Variants in TCF7L2 observed in about 807,000 individuals in gnomAD.
The protein encoded by TCF7L2 is transcription factor 7 like 2, also known as transcription factor 7-like 2.
In TCF7L2, 23 loss-of-function variants were observed where a neutral mutation model predicts 77.9. The observed-to-expected ratio is 0.30, with a 90% CI of 0.21 to 0.42. TCF7L2 has a LOEUF of 0.42. Among genes scored for constraint, TCF7L2 ranks in the 10% least tolerant of loss-of-function variants. The probability of loss-of-function intolerance (pLI) is 1.00; values close to 1 mark genes in which losing one functional copy is unlikely to be tolerated. For missense variants in TCF7L2, 654 were observed against 793.1 expected (o/e 0.82, Z 2.11); for synonymous variants, 413 against 340.2 (o/e 1.21, Z -2.36).
intron 5 of TCF7L2, among the ~76,000 whole-genome samples, chr10:113,083,421 G>C (rs534218491): frequency 1.3e-5 from 2 of 152,188 alleles, no homozygotes; most frequent in African/African-American, 4.8e-5. Flanking sequence ...ATGATATCCC[G>C]GTCTGGGGAG....
chr10:113,039,810 A>G (rs1427970753), intron 4 of TCF7L2, among the ~76,000 whole-genome samples: 3 of 152,154 alleles, frequency 2.0e-5, no homozygotes, highest in Non-Finnish European at 4.4e-5. Flanking sequence ...TACAGTTGCT[A>G]GTAACATTAA....
intron 5 of TCF7L2, among the ~76,000 whole-genome samples, chr10:113,042,336 G>C (rs1295557088): frequency 6.6e-6 from 1 of 152,186 alleles, no homozygotes; most frequent in Admixed American, 6.5e-5. Context: ...TTTGTCCAAA[G>C]CAGCCACAGC....
At chr10:113,078,151 G>C (rs560658328) in intron 5 of TCF7L2, among the ~76,000 whole-genome samples, 1 of 151,688 alleles carries the variant, frequency 6.6e-6, no homozygotes, top group East Asian at 1.9e-4. Context: ...AATTAAGCTA[G>C]TTCATATTTG....
chr10:113,010,713 T>C (rs1429463010), intron 4 of TCF7L2, among the ~76,000 whole-genome samples: 1 of 152,248 alleles, frequency 6.6e-6, no homozygotes, highest in Non-Finnish European at 1.5e-5. Context: ...AATAGTTTTC[T>C]TACTTTGTTA....
Position 113,151,133 on chromosome 10 carries a change from G to A in TCF7L2, c.1001+10G>A, listed in dbSNP as rs2137128190. The A allele has an allele frequency of 6.2e-7, 1 of 1,614,088 alleles. No homozygotes were observed. Among genetic ancestry groups the A allele is most frequent in the Non-Finnish European group, 8.5e-7 (1 of 1,180,008 alleles). On this transcript the variant is annotated intron_variant, in intron 9 of 13. Coordinates refer to ENST00000627217, the MANE Select transcript of TCF7L2 (RefSeq NM_001146274.2). The surrounding 1 kb of genome is among the most constrained non-coding windows in gnomAD (Gnocchi z 5.2). ...GCTCACTCCATAGTTCGTAAGTGTT[G>A]CTGTTTTTCTCACCTTCTTCGTAGC...
At chr10:113,089,419 C>A in intron 5 of TCF7L2, 1 of 1,613,764 alleles carries the variant, frequency 6.2e-7, no homozygotes, top group Non-Finnish European at 8.5e-7. Context: ...CCTTGCTGCA[C>A]TCAGGGACAT....
chr10:113,145,958 T>TGGGG, intron 7 of TCF7L2, 53 bp from the exon 8 acceptor site: 4 of 1,350,212 alleles, frequency 3.0e-6, no homozygotes, highest in Admixed American at 1.9e-5. Flanking sequence ...CTTTTTCTTG[T>TGGGG]CCCCACCCCC....
intron 4 of TCF7L2, among the ~76,000 whole-genome samples, chr10:112,991,433 G>A (rs1028319530): frequency 1.3e-5 from 2 of 151,730 alleles, no homozygotes; most frequent in African/African-American, 2.4e-5. Flanking sequence ...GCGTGAACCC[G>A]GGAGGCGGAG....
At chr10:113,039,714 C>A (rs1238238092) in intron 4 of TCF7L2, among the ~76,000 whole-genome samples, 1 of 152,074 alleles carries the variant, frequency 6.6e-6, no homozygotes, top group African/African-American at 2.4e-5. Context: ...TCTCCCACTC[C>A]CCTCCAGCCC....
intron 5 of TCF7L2, among the ~76,000 whole-genome samples, chr10:113,094,095 G>A (rs115486780): frequency 1.1e-3 from 169 of 152,310 alleles, no homozygotes; most frequent in African/African-American, 3.8e-3. Flanking sequence ...GCGCGTGCAC[G>A]CGCATGTGTG....
Position 113,151,968 on chromosome 10 carries a change from G to A in TCF7L2, c.1161+84G>A, listed in dbSNP as rs2070828248. 1 of 1,510,134 alleles carries A rather than the reference G, an allele frequency of 6.6e-7. No individual in the cohort carries two copies. The highest frequency in any genetic ancestry group is 2.3e-5 in the East Asian group (1 of 44,092). The allele number at this position is 1,510,134 out of a possible 1,614,324, so 93.5% of individuals were successfully genotyped here. On this transcript the variant is annotated intron_variant, in intron 10 of 13. Transcript: ENST00000627217. This position sits in a 1 kb window ranked among gnomAD's most constrained non-coding sequence, Gnocchi z 5.2. ...GCAGGTCAGGTGGCAGAATGTCTCTGTCCCCATTTCTTTGGAGAATTCTTG... is the reference window on the plus strand; with the variant it reads ...GCAGGTCAGGTGGCAGAATGTCTCTATCCCCATTTCTTTGGAGAATTCTTG...
chr10:113,036,665 C>CTTCTTTCTTTCTTTCT (rs71489996), intron 4 of TCF7L2, among the ~76,000 whole-genome samples: 1,975 of 150,902 alleles, frequency 0.013, 21 homozygotes, highest in Non-Finnish European at 0.021. Context: ...CCAAGATGGC[C>CTTCTTTCTTTCTTTCT]TTCTTTCTTT....
intron 5 of TCF7L2, among the ~76,000 whole-genome samples, chr10:113,077,533 A>G (rs61872796): frequency 1.1e-3 from 170 of 152,136 alleles, no homozygotes; most frequent in Non-Finnish European, 1.8e-3. Context: ...GGCAACTGTC[A>G]ATCTACTTTC....
chr10:112,953,810 A>T (rs2032737171), intron 3 of TCF7L2, among the ~76,000 whole-genome samples: 1 of 152,198 alleles, frequency 6.6e-6, no homozygotes, highest in Non-Finnish European at 1.5e-5. Flanking sequence ...GCGTCTAGTT[A>T]TTTTAATTGT....
At chr10:113,039,895 T>A (rs1399143452) in intron 4 of TCF7L2, 130 bp from the exon 5 acceptor site, 3 of 745,216 alleles carry the variant, frequency 4.0e-6, no homozygotes, top group Non-Finnish European at 6.5e-6. Context: ...TTTATTTTTT[T>A]AATGATTATT....
Position 112,962,845 on chromosome 10 carries a change from C to T in TCF7L2, c.382-1711C>T, listed in dbSNP as rs149340818. The stretch of plus-strand genomic sequence containing the variant: ...AACCTCTGACCTCAGGTGATCTGCC[C>T]GCCTCAGCCCCCCAAAGTGCTGGGA... On this transcript the variant is annotated intron_variant, in intron 3 of 13. Transcript: ENST00000627217. Among the ~76,000 whole-genome samples the T allele has an allele frequency of 2.4e-3, 359 of 152,234 alleles. 5 individuals carry two copies. In the East Asian group the frequency reaches 0.054, roughly 23 times the overall value.
In TCF7L2 at chr10:113,167,391, A is replaced by G. The variant is rs931674416; in HGVS notation, c.*1419A>G. ...GCATGTTGATGTTGCAAAATGCTGT[A>G]TAAAGCTGAAACCTGTTCATTCAGT... On this transcript the variant is annotated 3_prime_UTR_variant, in exon 14 of 14. Coordinates refer to ENST00000627217, the MANE Select transcript of TCF7L2 (RefSeq NM_001146274.2). 1 of 225,984 alleles carries G rather than the reference A, an allele frequency of 4.4e-6. No individual in the cohort carries two copies. The highest frequency in any genetic ancestry group is 8.8e-6 in the Non-Finnish European group (1 of 113,642). The allele number at this position is 225,984 out of a possible 1,614,324, so 14.0% of individuals were successfully genotyped here.
intron 4 of TCF7L2, among the ~76,000 whole-genome samples, chr10:112,978,541 G>C (rs1457999855): frequency 6.6e-6 from 1 of 150,918 alleles, no homozygotes; most frequent in Non-Finnish European, 1.5e-5. Context: ...TCTCGGCTCA[G>C]TGCAAGCTCT....
intron 4 of TCF7L2, among the ~76,000 whole-genome samples, chr10:113,028,980 G>A (rs2049714081): frequency 6.6e-6 from 1 of 152,174 alleles, no homozygotes; most frequent in Non-Finnish European, 1.5e-5. Flanking sequence ...GAAATCCCCT[G>A]TGTAGTGGGA....
Sources: allele counts gnomAD v4.1 joint callset (sites outside exome capture counted in the v4.1 genomes callset), GRCh38; gene constraint gnomAD v4.1.1; non-coding constraint Gnocchi (gnomAD v3.1); transcripts MANE v1.5; gene names NCBI Gene and HGNC (gene_info 2026-07-23, HGNC 2026-07-21).